LRRC36: variants seen among roughly 807,000 people sequenced by gnomAD.
The protein encoded by LRRC36 is leucine-rich repeat-containing protein 36.
A neutral mutation model predicts 81.1 loss-of-function variants in LRRC36; 62 were observed. The observed-to-expected ratio is 0.76, with a 90% CI of 0.62 to 0.94. LRRC36 has a LOEUF of 0.94. LRRC36 is among the 40% of genes least tolerant of loss of function. LRRC36 has a pLI of 0.00. For synonymous variants in LRRC36, 334 were observed against 348.6 expected (o/e 0.96, Z 0.47); for missense variants, 761 against 881.7 (o/e 0.86, Z 1.73).
At position 67,385,035 on chromosome 16, in the gene LRRC36, T is replaced by C; in HGVS notation, c.2211T>C (p.Thr737=). 1 of 1,614,226 alleles carries C rather than the reference T, an allele frequency of 6.2e-7. No individual in the cohort carries two copies. Among genetic ancestry groups the C allele is most frequent in the Non-Finnish European group, 8.5e-7 (1 of 1,180,028 alleles). The change falls in exon 14 of 14, where the codon ACT becomes ACC. Residue 737 remains threonine (T), a synonymous_variant. Coordinates refer to ENST00000329956, the MANE Select transcript of LRRC36 (RefSeq NM_018296.6). ...LSSSSPVAHE[T]GQYLIQSVLD... is the part of the protein sequence containing the mutation. ...CCTCCTCACCAGTGGCACATGAGAC[T>C]GGTCAGTATCTAATACAGAGCGTCT...
At chr16:67,335,726 C>T (rs368999038) in intron 1 of LRRC36, among the ~76,000 whole-genome samples, 2 of 152,070 alleles carry the variant, frequency 1.3e-5, no homozygotes, top group South Asian at 2.1e-4. Context: ...CAACAGACAA[C>T]CACTGATCTT....
intron 5 of LRRC36, among the ~76,000 whole-genome samples, chr16:67,358,794 C>A (rs2142070612): frequency 6.6e-6 from 1 of 152,178 alleles, no homozygotes; most frequent in Non-Finnish European, 1.5e-5. Context: ...AGATGCTCAA[C>A]ATCACTATTC....
At chr16:67,378,387 A>T (rs960195714) in intron 11 of LRRC36, among the ~76,000 whole-genome samples, 3 of 151,744 alleles carry the variant, frequency 2.0e-5, no homozygotes, top group African/African-American at 7.3e-5. Flanking sequence ...TTACGGGTGC[A>T]CACCACCATG....
intron 13 of LRRC36, among the ~76,000 whole-genome samples, chr16:67,384,285 T>C (rs2040212900): frequency 6.6e-6 from 1 of 152,032 alleles, no homozygotes; most frequent in Admixed American, 6.6e-5. Flanking sequence ...AAATACAAAA[T>C]TAGCTGAGTG....
At chr16:67,340,134 T>C (rs1220911306) in intron 1 of LRRC36, among the ~76,000 whole-genome samples, 2 of 151,846 alleles carry the variant, frequency 1.3e-5, no homozygotes, top group Non-Finnish European at 2.9e-5. Context: ...AAGAGTGAGA[T>C]TCCATCTCAA....
chr16:67,383,657 C>T (rs1354257817), intron 13 of LRRC36, among the ~76,000 whole-genome samples: 1 of 152,198 alleles, frequency 6.6e-6, no homozygotes, highest in Non-Finnish European at 1.5e-5. Context: ...TGAAACCATA[C>T]AGGTTCATTT....
At chr16:67,379,387 C>T (rs1195740701) in intron 12 of LRRC36, among the ~76,000 whole-genome samples, 1 of 151,808 alleles carries the variant, frequency 6.6e-6, no homozygotes, top group Non-Finnish European at 1.5e-5. Context: ...TGCAATCCAG[C>T]CTGGGTGAAA....
At chr16:67,375,435 C>T in intron 10 of LRRC36, 23 bp downstream of exon 10, 1 of 1,551,558 alleles carries the variant, frequency 6.4e-7, no homozygotes. Flanking sequence ...ATTCTCTGTC[C>T]TTGGACAGGA....
chr16:67,341,329 C>CTA (rs2038073231), intron 1 of LRRC36, among the ~76,000 whole-genome samples: 1 of 145,912 alleles, frequency 6.9e-6, no homozygotes, highest in East Asian at 2.0e-4. Context: ...TATATATAGT[C>CTA]TATATATATG....
At chr16:67,343,448 G>A (rs1279430272) in intron 2 of LRRC36, among the ~76,000 whole-genome samples, 5 of 152,002 alleles carry the variant, frequency 3.3e-5, no homozygotes, top group African/African-American at 1.2e-4. Flanking sequence ...TGTAATCTCA[G>A]CACTTTGGGA....
intron 7 of LRRC36, 118 bp downstream of exon 7, chr16:67,365,473 C>A: frequency 2.4e-6 from 2 of 848,984 alleles, no homozygotes; most frequent in Non-Finnish European, 1.9e-6. Context: ...CAACTAATTT[C>A]TGCTTTTGTG....
At chr16:67,353,520 G>A (rs2038754872) in intron 5 of LRRC36, among the ~76,000 whole-genome samples, 1 of 152,048 alleles carries the variant, frequency 6.6e-6, no homozygotes, top group Non-Finnish European at 1.5e-5. Context: ...TGGAATAGCT[G>A]GGATTACAGG....
intron 1 of LRRC36, among the ~76,000 whole-genome samples, chr16:67,335,842 C>A (rs562155399): frequency 6.6e-6 from 1 of 152,058 alleles, no homozygotes; most frequent in Non-Finnish European, 1.5e-5. Context: ...AAGCGATTCT[C>A]CTGCCTCAGC....
intron 1 of LRRC36, among the ~76,000 whole-genome samples, chr16:67,328,576 C>G (rs1486360942): frequency 1.3e-5 from 2 of 152,058 alleles, no homozygotes; most frequent in African/African-American, 2.4e-5. Flanking sequence ...CCCCCATCCC[C>G]GTCTCATAGG....
At chr16:67,347,152 T>C (rs942087039) in intron 3 of LRRC36, among the ~76,000 whole-genome samples, 3 of 152,214 alleles carry the variant, frequency 2.0e-5, no homozygotes, top group Non-Finnish European at 4.4e-5. Context: ...GGATTTCACA[T>C]GGCCCTGGGA....
chr16:67,345,189 C>A (rs1477183542), intron 2 of LRRC36, among the ~76,000 whole-genome samples: 1 of 151,828 alleles, frequency 6.6e-6, no homozygotes, highest in African/African-American at 2.4e-5. Flanking sequence ...GTGCCACATG[C>A]CTGTATTCCC....
intron 1 of LRRC36, among the ~76,000 whole-genome samples, chr16:67,327,846 C>A (rs2037272337): frequency 6.6e-6 from 1 of 152,026 alleles, no homozygotes; most frequent in African/African-American, 2.4e-5. Flanking sequence ...TATTGACAGG[C>A]TGAGCAACTT....
intron 2 of LRRC36, 98 bp downstream of exon 2, chr16:67,342,182 C>A (rs950468607): frequency 1.3e-6 from 1 of 764,268 alleles, no homozygotes; most frequent in Non-Finnish European, 1.9e-6. Context: ...GAATATAAGA[C>A]CTTCCCTTTA....
At chr16:67,360,210 G>T (rs746868714) in intron 5 of LRRC36, among the ~76,000 whole-genome samples, 2 of 152,062 alleles carry the variant, frequency 1.3e-5, no homozygotes, top group Non-Finnish European at 2.9e-5. Flanking sequence ...ATTTAGGTCT[G>T]TACATCAGAA....
Sources: allele counts gnomAD v4.1 joint callset (sites outside exome capture counted in the v4.1 genomes callset), GRCh38; gene constraint gnomAD v4.1.1; transcripts MANE v1.5; gene names NCBI Gene and HGNC (gene_info 2026-07-23, HGNC 2026-07-21).